Variants in BRIP1 observed in about 807,000 individuals in gnomAD.
The protein encoded by BRIP1 is Fanconi anemia group J protein.
Under a neutral mutation model 119.7 loss-of-function variants are expected in BRIP1, and 88 were observed. That is an observed-to-expected ratio of 0.74 (90% CI 0.62 to 0.88). The LOEUF (loss-of-function observed/expected upper bound fraction) is 0.88. Among genes scored for constraint, BRIP1 ranks in the 40% least tolerant of loss-of-function variants. The pLI, the probability that BRIP1 is intolerant of heterozygous loss-of-function variation, is 0.00. For synonymous variants in BRIP1, 443 were observed against 496.5 expected (o/e 0.89, Z 1.43); for missense variants, 1,259 against 1,455.4 (o/e 0.87, Z 2.20).
Position 61,816,437 on chromosome 17 carries a change from A to G in BRIP1, c.628-7680T>C, listed in dbSNP as rs2078237962. On this transcript the variant is annotated intron_variant, in intron 6 of 19. Coordinates refer to ENST00000259008, the MANE Select transcript of BRIP1 (RefSeq NM_032043.3). This position sits in a 1 kb window ranked among gnomAD's most constrained non-coding sequence, Gnocchi z 5.0. Reference sequence around the variant, plus strand: ...TAGCACATTAAGACAGATCCTTTTCACGGTTGTTTTTTGATACCATAAGTG... The same window carrying G: ...TAGCACATTAAGACAGATCCTTTTCGCGGTTGTTTTTTGATACCATAAGTG... Among the ~76,000 whole-genome samples, 1 of 152,100 alleles carries G rather than the reference A, an allele frequency of 6.6e-6. No homozygotes were observed. The highest frequency in any genetic ancestry group is 6.6e-5 in the Admixed American group (1 of 15,258).
Position 61,720,615 on chromosome 17 carries a change from C to T in BRIP1, c.2380-4552G>A, listed in dbSNP as rs2144455225. On this transcript the variant is annotated intron_variant, in intron 16 of 19. Transcript: ENST00000259008. This position sits in a 1 kb window ranked among gnomAD's most constrained non-coding sequence, Gnocchi z 4.3. The stretch of plus-strand genomic sequence containing the variant: ...TGATGACATCTCATGCTATATCCTG[C>T]TCCATCCCACTCAGATGTGAATCAT... Among the ~76,000 whole-genome samples the T allele has an allele frequency of 6.6e-6, 1 of 152,200 alleles. No individual in the cohort carries two copies. Among genetic ancestry groups the T allele is most frequent in the East Asian group, 1.9e-4 (1 of 5,188 alleles).
chr17:61,845,931 A>G lies in BRIP1; in HGVS notation c.627+1170T>C, dbSNP rs968314507. On this transcript the variant is annotated intron_variant, in intron 6 of 19. Coordinates refer to ENST00000259008, the MANE Select transcript of BRIP1 (RefSeq NM_032043.3). This position sits in a 1 kb window ranked among gnomAD's most constrained non-coding sequence, Gnocchi z 4.2. ...ATGATGCTGGAAAACTATTATTAAC[A>G]TAGGTTGGGTTGAGGCCAAGGTGGG... Among the ~76,000 whole-genome samples the G allele has an allele frequency of 6.6e-6, 1 of 152,118 alleles. No individual in the cohort carries two copies. The highest frequency in any genetic ancestry group is 2.1e-4 in the South Asian group (1 of 4,824).
chr17:61,823,948 A>G lies in BRIP1; in HGVS notation c.628-15191T>C, dbSNP rs1465744142. ...CCTGCCTCAGACTCCTGAGCAGCAG[A>G]GATTACAGGCATGTGCCGCCGCACC... On this transcript the variant is annotated intron_variant, in intron 6 of 19. Transcript: ENST00000259008. This position sits in a 1 kb window ranked among gnomAD's most constrained non-coding sequence, Gnocchi z 4.8. 1.3e-5 allele frequency among the ~76,000 whole-genome samples: 2 copies of G among 152,070 alleles called. No individual in the cohort carries two copies. The highest frequency in any genetic ancestry group is 4.8e-5 in the African/African-American group (2 of 41,398).
At position 61,810,417 on chromosome 17, in the gene BRIP1, A is replaced by C. The variant is rs1345391132; in HGVS notation, c.628-1660T>G. Among the ~76,000 whole-genome samples the C allele has an allele frequency of 1.3e-5, 2 of 152,210 alleles. No homozygotes were observed. Among genetic ancestry groups the C allele is most frequent in the Non-Finnish European group, 1.5e-5 (1 of 68,030 alleles). Reference sequence around the variant, plus strand: ...TTTGGCTTTTGCAATGATCACATTAATCAATTAACATACAAAAAGAATTAA... The same window carrying C: ...TTTGGCTTTTGCAATGATCACATTACTCAATTAACATACAAAAAGAATTAA... On this transcript the variant is annotated intron_variant, in intron 6 of 19. Coordinates refer to ENST00000259008, the MANE Select transcript of BRIP1 (RefSeq NM_032043.3). This position sits in a 1 kb window ranked among gnomAD's most constrained non-coding sequence, Gnocchi z 4.7.
chr17:61,732,440 A>T (rs2076861027), intron 16 of BRIP1, among the ~76,000 whole-genome samples: 1 of 152,152 alleles, frequency 6.6e-6, no homozygotes, highest in South Asian at 2.1e-4. Context: ...AGTTAGTCAA[A>T]GTAAATTGGT....
At position 61,699,916 on chromosome 17, in the gene BRIP1, G is replaced by A. The variant is rs2061587181; in HGVS notation, c.2493-6404C>T. On this transcript the variant is annotated intron_variant, in intron 17 of 19. Transcript: ENST00000259008. The surrounding 1 kb of genome is among the most constrained non-coding windows in gnomAD (Gnocchi z 4.8). ...CTCTGATTGGAAATATTTGACACAT[G>A]TTGCCACAACTCATTGCTCGGGGAA... is the stretch of plus-strand genomic sequence containing the variant. 3.3e-5 allele frequency among the ~76,000 whole-genome samples: 5 copies of A among 152,208 alleles called. No individual in the cohort carries two copies. In the South Asian group the frequency reaches 1.0e-3, roughly 32 times the overall value.
Position 61,738,777 on chromosome 17 carries a change from C to T in BRIP1, c.2379+4236G>A, listed in dbSNP as rs994047663. Reference sequence around the variant, plus strand: ...ATAATGAAGAATAACATAATAAATACCTGCATTCTCATATTTTCTTGCAGC... The same window carrying T: ...ATAATGAAGAATAACATAATAAATATCTGCATTCTCATATTTTCTTGCAGC... On this transcript the variant is annotated intron_variant, in intron 16 of 19. Coordinates refer to ENST00000259008, the MANE Select transcript of BRIP1 (RefSeq NM_032043.3). This position sits in a 1 kb window ranked among gnomAD's most constrained non-coding sequence, Gnocchi z 4.2. 1.3e-5 allele frequency among the ~76,000 whole-genome samples: 2 copies of T among 152,010 alleles called. No individual in the cohort carries two copies. The highest frequency in any genetic ancestry group is 4.8e-5 in the African/African-American group (2 of 41,376).
Position 61,776,556 on chromosome 17 carries a change from C to T in BRIP1, c.1942G>A (p.Val648Ile), listed in dbSNP as rs780475484. 2.5e-6 allele frequency: 4 copies of T among 1,613,784 alleles called. No homozygotes were observed. The highest frequency in any genetic ancestry group is 1.7e-5 in the Admixed American group (1 of 59,990). The change falls in exon 14 of 20, where the codon GTT (valine) becomes ATT (isoleucine). Residue 648 changes from valine to isoleucine, a missense_variant. Val to Ile is a conservative substitution (Grantham distance 29). This residue lies in a region of BRIP1 where 753 missense variants were observed against 891.8 expected (regional missense o/e 0.84). Transcript: ENST00000259008. The surrounding 1 kb of genome is among the most constrained non-coding windows in gnomAD (Gnocchi z 5.0). ...TTGGGGCCTGACCCAATGGTACCAA[C>T]CCAAACCTAGAATATGAATATGTCA... The part of the protein sequence containing the change: ...NHIIKNSQVW[V>I]GTIGSGPKGR...
Position 61,724,173 on chromosome 17 carries a change from A to G in BRIP1, c.2380-8110T>C, listed in dbSNP as rs2062026685. 6.6e-6 allele frequency among the ~76,000 whole-genome samples: 1 copy of G among 152,148 alleles called. No homozygotes were observed. Among genetic ancestry groups the G allele is most frequent in the South Asian group, 2.1e-4 (1 of 4,836 alleles). On this transcript the variant is annotated intron_variant, in intron 16 of 19. Coordinates refer to ENST00000259008, the MANE Select transcript of BRIP1 (RefSeq NM_032043.3). The surrounding 1 kb of genome is among the most constrained non-coding windows in gnomAD (Gnocchi z 5.1). ...AGTAGAAATAAGATCCTCAATATCA[A>G]AGGCATTGATAATTAAGACTGAGGC...
chr17:61,839,411 A>T (rs989311153), intron 6 of BRIP1, among the ~76,000 whole-genome samples: 1 of 152,042 alleles, frequency 6.6e-6, no homozygotes, highest in East Asian at 1.9e-4. Context: ...TTTTTTTCCC[A>T]TAACCTTTCA....
chr17:61,847,980 T>C (rs536272631), intron 5 of BRIP1, among the ~76,000 whole-genome samples: 1 of 152,338 alleles, frequency 6.6e-6, no homozygotes, highest in African/African-American at 2.4e-5. Flanking sequence ...ACACCTCATT[T>C]GTCATTGGTA....
Position 61,680,096 on chromosome 17 carries a change from A to C in BRIP1, c.*3200T>G, listed in dbSNP as rs1373400334. 1.3e-5 allele frequency among the ~76,000 whole-genome samples: 2 copies of C among 151,342 alleles called. No homozygotes were observed. The highest frequency in any genetic ancestry group is 2.1e-4 in the South Asian group (1 of 4,790). ...GGTGGCTCACGCCTGTAATCCCAAC[A>C]CTTTGGGAGGCCGAGGTGGGCAGAT... On this transcript the variant is annotated 3_prime_UTR_variant, in exon 20 of 20. Transcript: ENST00000259008.
intron 10 of BRIP1, among the ~76,000 whole-genome samples, chr17:61,792,590 A>C (rs1004317315): frequency 2.0e-5 from 3 of 152,234 alleles, no homozygotes; most frequent in Non-Finnish European, 4.4e-5. Flanking sequence ...GCACAATTTC[A>C]ACTATATGGC....
In BRIP1 at chr17:61,814,901, T is replaced by A. The variant is rs1403433380; in HGVS notation, c.628-6144A>T. 6.6e-6 allele frequency among the ~76,000 whole-genome samples: 1 copy of A among 152,060 alleles called. No individual in the cohort carries two copies. Among genetic ancestry groups the A allele is most frequent in the Non-Finnish European group, 1.5e-5 (1 of 67,952 alleles). ...TGAAAATATATGAATGACAGTTGTA[T>A]GCATCGACATCGATAAACATGAACA... On this transcript the variant is annotated intron_variant, in intron 6 of 19. Coordinates refer to ENST00000259008, the MANE Select transcript of BRIP1 (RefSeq NM_032043.3). The surrounding 1 kb of genome is among the most constrained non-coding windows in gnomAD (Gnocchi z 4.9).
intron 17 of BRIP1, among the ~76,000 whole-genome samples, chr17:61,694,344 A>T (rs2061492781): frequency 1.3e-5 from 2 of 152,120 alleles, no homozygotes; most frequent in African/African-American, 4.8e-5. Flanking sequence ...ATCAGACAAT[A>T]TGTAGCATTT....
rs552840954 is a variant in BRIP1 at position 61,780,728 on chromosome 17, A to AAACAAC, written c.1794+106_1794+111dup. On this transcript the variant is annotated intron_variant, in intron 12 of 19. Transcript: ENST00000259008. This position sits in a 1 kb window ranked among gnomAD's most constrained non-coding sequence, Gnocchi z 5.4. ...GGGTGAAGAGCAAGACCCTGCCTCA[A>AAACAAC]AACAACAACAACAACAACAACAAAC... is the stretch of plus-strand genomic sequence containing the variant. 1.5e-5 allele frequency: 20 copies of AAACAAC among 1,316,316 alleles called. No homozygotes were observed. The highest frequency in any genetic ancestry group is 1.4e-4 in the East Asian group (6 of 43,040). The allele number at this position is 1,316,316 out of a possible 1,614,324, so 81.5% of individuals were successfully genotyped here. A position where few individuals can be genotyped will look rare whatever the true frequency, so the allele number is the denominator to read the frequency against.
Position 61,689,252 on chromosome 17 carries a change from CA to C in BRIP1, c.2576-3088del, listed in dbSNP as rs1224827436. On this transcript the variant is annotated intron_variant, in intron 18 of 19. Coordinates refer to ENST00000259008, the MANE Select transcript of BRIP1 (RefSeq NM_032043.3). The surrounding 1 kb of genome is among the most constrained non-coding windows in gnomAD (Gnocchi z 4.5). The stretch of plus-strand genomic sequence containing the variant: ...AGAGGTGGGGTTTCACCACGTTGGC[CA>C]GGCTGGTCTTGAACTCCTGACCTCA... Among the ~76,000 whole-genome samples the C allele has an allele frequency of 6.6e-6, 1 of 151,990 alleles. No homozygotes were observed. The highest frequency in any genetic ancestry group is 1.5e-5 in the Non-Finnish European group (1 of 68,002).
intron 4 of BRIP1, among the ~76,000 whole-genome samples, chr17:61,850,761 G>C (rs186179222): frequency 6.6e-6 from 1 of 152,072 alleles, no homozygotes; most frequent in East Asian, 2.0e-4. Context: ...CTGGGAGGCA[G>C]AGGTTGCAGT....
At position 61,758,260 on chromosome 17, in the gene BRIP1, A is replaced by G. The variant is rs1004738824; in HGVS notation, c.2098-13669T>C. On this transcript the variant is annotated intron_variant, in intron 14 of 19. Transcript: ENST00000259008. This position sits in a 1 kb window ranked among gnomAD's most constrained non-coding sequence, Gnocchi z 5.3. ...AACTTATTCACACAAATTCAACTAT[A>G]TGTTTCATTCTTTTCCTGAATAGAT... 2.6e-5 allele frequency among the ~76,000 whole-genome samples: 4 copies of G among 152,212 alleles called. No homozygotes were observed. Among genetic ancestry groups the G allele is most frequent in the African/African-American group, 9.6e-5 (4 of 41,470 alleles).
Sources: allele counts gnomAD v4.1 joint callset (sites outside exome capture counted in the v4.1 genomes callset), GRCh38; gene constraint gnomAD v4.1.1; regional missense constraint gnomAD v4.1.1; non-coding constraint Gnocchi (gnomAD v3.1); transcripts MANE v1.5; gene names NCBI Gene and HGNC (gene_info 2026-07-23, HGNC 2026-07-21).